Variants in ZNF695 observed in about 807,000 individuals in gnomAD.
ZNF695 encodes the protein zinc finger protein 695.
ZNF695 carries 11 observed loss-of-function variants against 11.2 expected under a neutral mutation model. That is an observed-to-expected ratio of 0.98 (90% CI 0.62 to 1.62). ZNF695 has a LOEUF of 1.62. Ranked by LOEUF, ZNF695 falls within the 40% of genes most tolerant of loss-of-function variation. The probability of loss-of-function intolerance (pLI) is 0.00; values close to 1 mark genes in which losing one functional copy is unlikely to be tolerated. For synonymous variants in ZNF695, 190 were observed against 201.4 expected (o/e 0.94, Z 0.48); for missense variants, 559 against 590.5 (o/e 0.95, Z 0.55).
chr1:246,954,088 T>G (rs1195135425), intron 5 of ZNF695, among the ~76,000 whole-genome samples: 5 of 152,166 alleles, frequency 3.3e-5, no homozygotes. Flanking sequence ...TCTTCCATTT[T>G]GCCATCCTTA....
At chr1:246,996,087 TG>T in intron 3 of ZNF695, 1 of 447,982 alleles carries the variant, frequency 2.2e-6, no homozygotes, top group African/African-American at 2.0e-5. Context: ...GGCCCGTGCC[TG>T]TAATCCCAGC....
intron 5 of ZNF695, among the ~76,000 whole-genome samples, chr1:246,959,905 C>G (rs1409223518): frequency 6.6e-6 from 1 of 152,196 alleles, no homozygotes; most frequent in Admixed American, 6.5e-5. Context: ...AAAAACTCTC[C>G]AGTGTTTCTG....
At chr1:246,992,112 C>G (rs112819390) in intron 3 of ZNF695, among the ~76,000 whole-genome samples, 3 of 151,282 alleles carry the variant, frequency 2.0e-5, no homozygotes, top group African/African-American at 7.3e-5. Context: ...TGCAGTGAGC[C>G]GAGATCGCGC....
Position 246,985,431 on chromosome 1 carries a change from A to T in ZNF695, c.*1536T>A. On this transcript the variant is annotated 3_prime_UTR_variant, in exon 4 of 4. Coordinates refer to ENST00000339986, the MANE Select transcript of ZNF695 (RefSeq NM_020394.5). ...AACGTGTGGGAACAATATTTTTCAA[A>T]TTATTTGAAGTTTAATGCCACTGGG... 2 of 985,378 alleles carry T rather than the reference A, an allele frequency of 2.0e-6. No homozygotes were observed. The highest frequency in any genetic ancestry group is 2.4e-6 in the Non-Finnish European group (2 of 829,912). 61.0% of individuals were successfully genotyped at this position (985,378 alleles called of 1,614,324 possible).
At chr1:246,979,300 G>A (rs982037262) in intron 4 of ZNF695, among the ~76,000 whole-genome samples, 7 of 152,252 alleles carry the variant, frequency 4.6e-5, no homozygotes, top group East Asian at 3.9e-4. Flanking sequence ...TGGAGAAGAC[G>A]GTGGTGGTGA....
chr1:246,991,814 C>T (rs1005500842), intron 3 of ZNF695, among the ~76,000 whole-genome samples: 1 of 152,182 alleles, frequency 6.6e-6, no homozygotes. Flanking sequence ...GATACCTGCA[C>T]CCCTATGTTG....
chr1:247,000,137 G>T, intron 1 of ZNF695, 63 bp from the exon 2 acceptor site: 1 of 1,426,890 alleles, frequency 7.0e-7, no homozygotes, highest in Non-Finnish European at 9.5e-7. Context: ...CTACAGGCAA[G>T]GAGAGACAGT....
intron 1 of ZNF695, among the ~76,000 whole-genome samples, chr1:247,007,494 C>G (rs1304358921): frequency 1.3e-5 from 1 of 79,468 alleles, no homozygotes; most frequent in Admixed American, 1.3e-4. Context: ...GACTCCGTCT[C>G]AAAAAAAAAA....
intron 5 of ZNF695, among the ~76,000 whole-genome samples, chr1:246,951,120 C>T (rs886674770): frequency 6.6e-5 from 10 of 152,052 alleles, no homozygotes; most frequent in East Asian, 1.9e-4. Context: ...ATGGAGGCAC[C>T]GAGACACCCT....
intron 1 of ZNF695, among the ~76,000 whole-genome samples, chr1:247,001,226 C>T (rs1249887651): frequency 1.3e-5 from 2 of 151,902 alleles, no homozygotes; most frequent in African/African-American, 2.4e-5. Flanking sequence ...AAAAGAAAAA[C>T]GAACTATTCT....
intron 5 of ZNF695, among the ~76,000 whole-genome samples, chr1:246,948,366 G>A (rs1286802362): frequency 1.3e-5 from 2 of 152,092 alleles, no homozygotes; most frequent in African/African-American, 4.8e-5. Context: ...GAGCCACCAC[G>A]CCTGGCTGTA....
In ZNF695 at chr1:247,007,964, G is replaced by C; in HGVS notation, c.-56C>G. 6.8e-7 allele frequency: 1 copy of C among 1,461,976 alleles called. No homozygotes were observed. Among genetic ancestry groups the C allele is most frequent in the Non-Finnish European group, 9.1e-7 (1 of 1,095,888 alleles). The allele number at this position is 1,461,976 out of a possible 1,614,324, so 90.6% of individuals were successfully genotyped here. ...CCTATAAATCTCGCAATACCTGCAG[G>C]CCACAGGGCGATGGAGCCTGCGGCA... On this transcript the variant is annotated 5_prime_UTR_variant, in exon 1 of 4. Coordinates refer to ENST00000339986, the MANE Select transcript of ZNF695 (RefSeq NM_020394.5).
downstream of ZNF695, among the ~76,000 whole-genome samples, chr1:246,982,210 C>T (rs1017726870): frequency 5.1e-5 from 7 of 136,894 alleles, no homozygotes; most frequent in East Asian, 2.4e-4. Flanking sequence ...GCGGAGGTTG[C>T]GGTGAGCCGA....
At chr1:246,999,512 G>T in intron 2 of ZNF695, 72 bp from the exon 3 acceptor site, 2 of 1,232,294 alleles carry the variant, frequency 1.6e-6, no homozygotes, top group Non-Finnish European at 2.3e-6. Context: ...GCTCAGTAGA[G>T]AAGAGAAAAC....
chr1:246,980,346 C>T (rs896224097), downstream of ZNF695, among the ~76,000 whole-genome samples: 2 of 150,904 alleles, frequency 1.3e-5, no homozygotes, highest in African/African-American at 2.4e-5. Flanking sequence ...TTATATTATA[C>T]CTAAAGCTGT....
At chr1:246,982,854 T>C (rs1668745059), downstream of ZNF695, among the ~76,000 whole-genome samples, 1 of 152,060 alleles carries the variant, frequency 6.6e-6, no homozygotes, top group African/African-American at 2.4e-5. Context: ...ATGTCAGCTA[T>C]AGACTTAAGT....
chr1:246,987,277 C>T lies in ZNF695; in HGVS notation c.1238G>A (p.Cys413Tyr). 1.2e-6 allele frequency: 2 copies of T among 1,613,986 alleles called. No individual in the cohort carries two copies. Among genetic ancestry groups the T allele is most frequent in the Admixed American group, 3.3e-5 (2 of 60,024 alleles). ...TGAAAACCAGGTAAAAGCTTTGCCA[C>T]ATTCCTCACATTTGTAGGGTTTCTG... ...TGQKPYKCEE[C>Y]GKAFTWFSYL... is the part of the protein sequence containing the mutation. The change falls in exon 4 of 4, where the codon TGT (cysteine) becomes TAT (tyrosine). Residue 413 changes from cysteine (C) to tyrosine (Y), a missense_variant. Cys to Tyr is a radical substitution (Grantham distance 194). Transcript: ENST00000339986.
At chr1:246,949,283 C>G (rs1667812655) in intron 5 of ZNF695, among the ~76,000 whole-genome samples, 1 of 152,062 alleles carries the variant, frequency 6.6e-6, no homozygotes, top group Non-Finnish European at 1.5e-5. Context: ...AGACTAGTAT[C>G]TCCTCCTAAA....
At chr1:246,997,713 A>G (rs1237526227) in intron 3 of ZNF695, among the ~76,000 whole-genome samples, 1 of 152,240 alleles carries the variant, frequency 6.6e-6, no homozygotes, top group Non-Finnish European at 1.5e-5. Context: ...TTACATATAC[A>G]TAATAGAGTA....
Sources: gnomAD v4.1 joint callset for allele counts (sites outside exome capture counted in the v4.1 genomes callset) on GRCh38, gnomAD v4.1.1 for gene constraint, MANE v1.5 for transcripts, NCBI Gene and HGNC (gene_info 2026-07-23, HGNC 2026-07-21) for gene names.